Variants in CHRNA3 observed in about 807,000 individuals in gnomAD.
The protein encoded by CHRNA3 is neuronal acetylcholine receptor subunit alpha-3.
Under a neutral mutation model 41.9 loss-of-function variants are expected in CHRNA3, and 34 were observed. The ratio of observed to expected loss-of-function variants is 0.81; its 90% CI spans 0.62 to 1.08. The LOEUF is 1.08. CHRNA3 is among the 50% of genes least tolerant of loss of function. The pLI is 0.00. For missense variants in CHRNA3, 542 were observed against 638.3 expected (o/e 0.85, Z 1.63); for synonymous variants, 281 against 265.2 (o/e 1.06, Z -0.58).
Position 78,601,661 on chromosome 15 carries a change from G to C in CHRNA3, c.981C>G (p.Asn327Lys). 6.2e-7 allele frequency: 1 copy of C among 1,614,174 alleles called. No homozygotes were observed. The highest frequency in any genetic ancestry group is 8.5e-7 in the Non-Finnish European group (1 of 1,180,048). Reference sequence around the variant, plus strand: ...GTGTCGTCGGGGTTCTGTAGTGCACGTTGAGCACGAAGACGGTGATGACGA... The same window carrying C: ...GTGTCGTCGGGGTTCTGTAGTGCACCTTGAGCACGAAGACGGTGATGACGA... ...LSIVITVFVL[N>K]VHYRTPTTHT... Residue 327 changes from asparagine (N) to lysine (K), a missense_variant, in exon 5 of 6, where the codon AAC becomes AAG. By Grantham distance (94) the Asn-to-Lys change is moderately conservative. Transcript: ENST00000326828.
intron 3 of CHRNA3, chr15:78,618,247 G>GAA: frequency 4.2e-5 from 10 of 236,686 alleles, no homozygotes; most frequent in South Asian, 1.2e-4. Context: ...ATCCCGTCTG[G>GAA]AAAAAAAACT....
downstream of CHRNA3, chr15:78,593,066 A>C (rs936162811): frequency 1.3e-6 from 2 of 1,595,002 alleles, no homozygotes; most frequent in African/African-American, 2.7e-5. Flanking sequence ...CAATTATTTA[A>C]TGCATTTTTA....
intron 4 of CHRNA3, among the ~76,000 whole-genome samples, chr15:78,613,587 G>T (rs1351705802): frequency 1.4e-5 from 2 of 146,718 alleles, no homozygotes; most frequent in African/African-American, 5.0e-5. Context: ...GGGGGAGGGG[G>T]GAGAGATAGC....
chr15:78,597,212 A>G (rs2053126894), intron 5 of CHRNA3, among the ~76,000 whole-genome samples: 1 of 152,182 alleles, frequency 6.6e-6, no homozygotes, highest in Admixed American at 6.5e-5. Context: ...TGAGGTCAGG[A>G]GTTTGAGACC....
rs943820022 is a variant in CHRNA3 at position 78,620,873 on chromosome 15, G to C, written c.-79C>G. Reference sequence around the variant, plus strand: ...TCGCAGAGACGGCCTCTCCCCGCGCGGCTCCAGCGCAGACCCCAGACCTGG... The same window carrying C: ...TCGCAGAGACGGCCTCTCCCCGCGCCGCTCCAGCGCAGACCCCAGACCTGG... On this transcript the variant is annotated 5_prime_UTR_variant, in exon 1 of 6. Coordinates refer to ENST00000326828, the MANE Select transcript of CHRNA3 (RefSeq NM_000743.5). 29 of 1,315,940 alleles carry C rather than the reference G, an allele frequency of 2.2e-5. No homozygotes were observed. Among genetic ancestry groups the C allele is most frequent in the Non-Finnish European group, 2.7e-5 (28 of 1,040,794 alleles). The allele number at this position is 1,315,940 out of a possible 1,614,324, so 81.5% of individuals were successfully genotyped here.
At chr15:78,620,290 C>A (rs1212023494) in intron 1 of CHRNA3, 1 of 183,572 alleles carries the variant, frequency 5.4e-6, no homozygotes, top group African/African-American at 2.4e-5. Context: ...AAGTCTTCAG[C>A]CATCTCCGTC....
chr15:78,601,596 A>C lies in CHRNA3; in HGVS notation c.1046T>G (p.Leu349Arg). ...GGTCATGAACATGACCCTGGGGAGC[A>C]GGTTCAAGAATACAGTCTTCACCCA... ...PSWVKTVFLN[L>R]LPRVMFMTRP... The change falls in exon 5 of 6, where the codon CTG (leucine) becomes CGG (arginine). Residue 349 changes from leucine (L) to arginine (R), a missense_variant. Leu to Arg is a moderately radical substitution (Grantham distance 102). Transcript: ENST00000326828. The C allele has an allele frequency of 1.9e-6, 3 of 1,614,214 alleles. No homozygotes were observed. Among genetic ancestry groups the C allele is most frequent in the South Asian group, 1.1e-5 (1 of 91,086 alleles).
intron 4 of CHRNA3, among the ~76,000 whole-genome samples, chr15:78,616,677 C>G (rs796285509): frequency 6.6e-6 from 1 of 152,082 alleles, no homozygotes; most frequent in African/African-American, 2.4e-5. Context: ...ATGACATACT[C>G]TCCTGCCTCC....
intron 4 of CHRNA3, among the ~76,000 whole-genome samples, chr15:78,608,409 G>T (rs999840574): frequency 4.6e-5 from 7 of 152,118 alleles, no homozygotes; most frequent in African/African-American, 1.7e-4. Context: ...GGGTCACCAA[G>T]ATCCACTGTT....
chr15:78,605,372 C>T (rs895149963), intron 4 of CHRNA3, among the ~76,000 whole-genome samples: 2 of 152,156 alleles, frequency 1.3e-5, no homozygotes, highest in East Asian at 3.9e-4. Context: ...ACCACCACCA[C>T]CAGCAGGACC....
chr15:78,612,148 A>G (rs966341281), intron 4 of CHRNA3, among the ~76,000 whole-genome samples: 2 of 152,112 alleles, frequency 1.3e-5, no homozygotes, highest in African/African-American at 4.8e-5. Context: ...TGCCCAAGGT[A>G]ATTTATAGAT....
At chr15:78,607,088 G>C (rs1271490865) in intron 4 of CHRNA3, among the ~76,000 whole-genome samples, 1 of 151,782 alleles carries the variant, frequency 6.6e-6, no homozygotes, top group Admixed American at 6.6e-5. Flanking sequence ...AATTAGCTGG[G>C]CATGGTGGCA....
intron 4 of CHRNA3, among the ~76,000 whole-genome samples, chr15:78,613,320 C>G (rs1288796373): frequency 1.3e-5 from 2 of 151,290 alleles, no homozygotes; most frequent in African/African-American, 4.9e-5. Context: ...GCAACCAACC[C>G]AAATGTCCAA....
At position 78,595,488 on chromosome 15, in the gene CHRNA3, G is replaced by T; in HGVS notation, c.*1116C>A. On this transcript the variant is annotated 3_prime_UTR_variant, in exon 6 of 6. Coordinates refer to ENST00000326828, the MANE Select transcript of CHRNA3 (RefSeq NM_000743.5). ...AACCAGGGGCAATTTTGCTCCTAAG[G>T]GAACATTTAACAATGGAGACATTCT... 1 of 828,208 alleles carries T rather than the reference G, an allele frequency of 1.2e-6. No homozygotes were observed. Among genetic ancestry groups the T allele is most frequent in the Middle Eastern group, 6.2e-4 (1 of 1,604 alleles). 51.3% of individuals were successfully genotyped at this position (828,208 alleles called of 1,614,324 possible).
chr15:78,615,314 T>C (rs6495308), intron 4 of CHRNA3, among the ~76,000 whole-genome samples: 45,776 of 151,980 alleles, frequency 0.3, 8,056 homozygotes, highest in East Asian at 0.71. Context: ...AGGTTTGCTG[T>C]TGGGAGAGTA....
chr15:78,604,732 G>A (rs1480857708), intron 4 of CHRNA3, among the ~76,000 whole-genome samples: 4 of 152,172 alleles, frequency 2.6e-5, no homozygotes, highest in Non-Finnish European at 5.9e-5. Flanking sequence ...ATAAATGAAA[G>A]CTGGGTGTGG....
intron 3 of CHRNA3, among the ~76,000 whole-genome samples, chr15:78,618,122 C>T (rs2053492910): frequency 6.6e-6 from 1 of 152,170 alleles, no homozygotes; most frequent in South Asian, 2.1e-4. Flanking sequence ...TGGTGCACAG[C>T]TGTGGTCCCA....
At chr15:78,593,356 C>A, downstream of CHRNA3, 2 of 1,155,042 alleles carry the variant, frequency 1.7e-6, no homozygotes, top group Non-Finnish European at 2.3e-6. Context: ...TTAGTGCAAG[C>A]TTTAACAGAC....
intron 4 of CHRNA3, among the ~76,000 whole-genome samples, chr15:78,616,360 A>AC (rs1174119329): frequency 1.4e-3 from 77 of 56,888 alleles, no homozygotes; most frequent in African/African-American, 3.7e-3. Context: ...TCCCCCCCCC[A>AC]CCCCCCCAAA....
Sources: gnomAD v4.1 joint callset for allele counts (sites outside exome capture counted in the v4.1 genomes callset) on GRCh38, gnomAD v4.1.1 for gene constraint, MANE v1.5 for transcripts, NCBI Gene and HGNC (gene_info 2026-07-23, HGNC 2026-07-21) for gene names.